The following NAALADL2 variants were observed in gnomAD, a reference collection of about 807,000 sequenced individuals.
NAALADL2 encodes inactive N-acetylated-alpha-linked acidic dipeptidase-like protein 2.
Under a neutral mutation model 87.2 loss-of-function variants are expected in NAALADL2, and 76 were observed. That is an observed-to-expected ratio of 0.87 (90% CI 0.72 to 1.05). The LOEUF (loss-of-function observed/expected upper bound fraction) is 1.05, where lower values mean the gene tolerates loss of function less well. Among genes scored for constraint, NAALADL2 ranks in the 50% least tolerant of loss-of-function variants. The pLI is 0.00. For synonymous variants in NAALADL2, 354 were observed against 331.0 expected, an observed-to-expected ratio of 1.07 and a Z score of -0.75; for missense variants, 1,089 against 945.8, an observed-to-expected ratio of 1.15 and a Z score of -1.99.
At chr3:175,792,478 G>C (rs1410075794) in intron 13 of NAALADL2, among the ~76,000 whole-genome samples, 1 of 152,096 alleles carries the variant, frequency 6.6e-6, no homozygotes, top group Non-Finnish European at 1.5e-5. Flanking sequence ...ATTTTGAAGT[G>C]TTCAAATCAT....
chr3:174,915,738 T>A (rs1415198695), intron 1 of NAALADL2, among the ~76,000 whole-genome samples: 1 of 152,160 alleles, frequency 6.6e-6, no homozygotes, highest in African/African-American at 2.4e-5. Context: ...AGCCTTGTGG[T>A]TAAATTGTAT....
intron 4 of NAALADL2, among the ~76,000 whole-genome samples, chr3:175,322,879 C>A (rs1397987357): frequency 1.3e-5 from 2 of 150,728 alleles, no homozygotes; most frequent in Admixed American, 6.6e-5. Context: ...AACACTTTTA[C>A]AGTGTTGGTG....
chr3:174,797,318 T>C (rs1263677171), intron 3 of NAALADL2, among the ~76,000 whole-genome samples: 3 of 131,184 alleles, frequency 2.3e-5, no homozygotes, highest in Non-Finnish European at 3.2e-5. Context: ...TTTTTTTTTT[T>C]TTTTTTTTTT....
intron 2 of NAALADL2, among the ~76,000 whole-genome samples, chr3:174,604,624 T>TTGTG (rs142243487): frequency 0.35 from 52,655 of 150,610 alleles, 10,338 homozygotes; most frequent in Non-Finnish European, 0.47. Context: ...TCATTTTCTG[T>TTGTG]TGTGTGTGTG....
chr3:175,177,037 T>G (rs558181882), intron 2 of NAALADL2, among the ~76,000 whole-genome samples: 1 of 152,202 alleles, frequency 6.6e-6, no homozygotes. Context: ...AAAGTTTAAT[T>G]ATAAAGTAGA....
chr3:174,858,318 G>T (rs2109519088), upstream of NAALADL2, among the ~76,000 whole-genome samples: 1 of 151,828 alleles, frequency 6.6e-6, no homozygotes, highest in South Asian at 2.1e-4. Flanking sequence ...GGTGCCTTAT[G>T]GGGGACAAAG....
intron 2 of NAALADL2, among the ~76,000 whole-genome samples, chr3:174,629,926 AGGG>A (rs1479800951): frequency 1.3e-5 from 2 of 152,200 alleles, no homozygotes; most frequent in African/African-American, 2.4e-5. Flanking sequence ...TGAAGTTGAA[AGGG>A]TAGCTTATTA....
Position 174,674,693 on chromosome 3 carries a change from CAG to C in NAALADL2, c.-114-62947_-114-62946del, listed in dbSNP as rs1726881882. On this transcript the variant is annotated intron_variant, in intron 2 of 3. Coordinates refer to the NAALADL2 transcript ENST00000434257. Reference sequence around the variant, plus strand: ...CAAATTATTGAAGTTGATGAGGAAACAGGGTCTATTTTTTTACACTATCATTT... The same window carrying C: ...CAAATTATTGAAGTTGATGAGGAAACGGTCTATTTTTTTACACTATCATTT... 3.9e-5 allele frequency among the ~76,000 whole-genome samples: 6 copies of C among 152,104 alleles called. No individual in the cohort carries two copies. In the South Asian group the frequency reaches 1.2e-3, roughly 32 times the overall value.
intron 9 of NAALADL2, among the ~76,000 whole-genome samples, chr3:175,574,411 A>T (rs541523717): frequency 1.3e-5 from 2 of 152,280 alleles, no homozygotes; most frequent in East Asian, 3.9e-4. Flanking sequence ...GATTGGTCAA[A>T]ATAGTAGAGT....
At chr3:175,144,978 C>A (rs1406947211) in intron 2 of NAALADL2, among the ~76,000 whole-genome samples, 1 of 151,742 alleles carries the variant, frequency 6.6e-6, no homozygotes, top group Non-Finnish European at 1.5e-5. Flanking sequence ...TTTTTTTAAT[C>A]AAAAACATTC....
intron 1 of NAALADL2, among the ~76,000 whole-genome samples, chr3:174,503,821 T>A (rs1240341092): frequency 6.6e-6 from 1 of 152,144 alleles, no homozygotes; most frequent in African/African-American, 2.4e-5. Context: ...ATTTCCAAAT[T>A]TGGGTCAGAA....
chr3:175,044,468 C>A (rs1309384196), intron 1 of NAALADL2, among the ~76,000 whole-genome samples: 4 of 152,068 alleles, frequency 2.6e-5, no homozygotes, highest in Non-Finnish European at 5.9e-5. Context: ...ATCTCATTAT[C>A]TGTCTCGTGT....
intron 1 of NAALADL2, among the ~76,000 whole-genome samples, chr3:174,509,361 GGAGA>G (rs574875378): frequency 1.4e-4 from 21 of 148,728 alleles, no homozygotes; most frequent in African/African-American, 3.9e-4. Context: ...CATAGTGGGT[GGAGA>G]GAGAGAGAGA....
At position 175,330,409 on chromosome 3, in the gene NAALADL2, C is replaced by T. The variant is rs149569760; in HGVS notation, c.1090+6084C>T. Among the ~76,000 whole-genome samples, 46 of 150,712 alleles carry T rather than the reference C, an allele frequency of 3.1e-4. No homozygotes were observed. In the East Asian group the frequency reaches 5.3e-3, roughly 17 times the overall value. On this transcript the variant is annotated intron_variant, in intron 5 of 13. Coordinates refer to ENST00000454872, the MANE Select transcript of NAALADL2 (RefSeq NM_207015.3). ...AGTGAGTCATGATCACAGTACTTCACGCAAGCCTTGGTTACAGAGCTAGAC... is the reference window on the plus strand; with the variant it reads ...AGTGAGTCATGATCACAGTACTTCATGCAAGCCTTGGTTACAGAGCTAGAC...
intron 1 of NAALADL2, among the ~76,000 whole-genome samples, chr3:175,088,795 C>T (rs1452681750): frequency 1.3e-5 from 2 of 152,248 alleles, no homozygotes; most frequent in African/African-American, 4.8e-5. Context: ...TATGAGGCTC[C>T]TCCTGGCAGA....
intron 3 of NAALADL2, among the ~76,000 whole-genome samples, chr3:174,754,536 T>C (rs1711751431): frequency 6.6e-6 from 1 of 151,630 alleles, no homozygotes; most frequent in African/African-American, 2.4e-5. Context: ...TTGTAGTTCA[T>C]TGTAACCTGA....
chr3:175,327,154 T>C lies in NAALADL2; in HGVS notation c.1090+2829T>C, dbSNP rs942635127. On this transcript the variant is annotated intron_variant, in intron 5 of 13. Coordinates refer to ENST00000454872, the MANE Select transcript of NAALADL2 (RefSeq NM_207015.3). ...TTATCAACTGTCTACATTTCTTTTT[T>C]TTTTTTTTTTTTTTTTTCTGAGATG... Among the ~76,000 whole-genome samples, 236 of 100,470 alleles carry C rather than the reference T, an allele frequency of 2.3e-3. 1 individual carries two copies. The highest frequency in any genetic ancestry group is 9.6e-3 in the African/African-American group (221 of 22,960). The allele number at this position is 100,470 out of a possible 152,430, so 65.9% of individuals were successfully genotyped here.
intron 4 of NAALADL2, among the ~76,000 whole-genome samples, chr3:175,292,866 TCTCTA>T (rs1410889718): frequency 4.0e-5 from 6 of 151,170 alleles, no homozygotes; most frequent in African/African-American, 7.3e-5. Flanking sequence ...TGAAACCCCG[TCTCTA>T]CTAAAAATAC....
intron 9 of NAALADL2, among the ~76,000 whole-genome samples, chr3:175,574,032 G>A (rs761140339): frequency 6.6e-6 from 1 of 152,066 alleles, no homozygotes; most frequent in Non-Finnish European, 1.5e-5. Flanking sequence ...TAACTTTGTT[G>A]CAAAGATCTT....
Sources: allele counts gnomAD v4.1 joint callset (sites outside exome capture counted in the v4.1 genomes callset), GRCh38; gene constraint gnomAD v4.1.1; transcripts MANE v1.5; gene names NCBI Gene and HGNC (gene_info 2026-07-23, HGNC 2026-07-21).